COL19A1: variants seen among roughly 807,000 people sequenced by gnomAD.
The protein encoded by COL19A1 is collagen alpha-1(XIX) chain.
Under a neutral mutation model 190.2 loss-of-function variants are expected in COL19A1, and 159 were observed. The ratio of observed to expected loss-of-function variants is 0.84; its 90% CI spans 0.73 to 0.95. The LOEUF (loss-of-function observed/expected upper bound fraction) is 0.95, where lower values mean the gene tolerates loss of function less well. Ranked by LOEUF, COL19A1 falls within the 40% of genes least tolerant of loss-of-function variation. The pLI, the probability that COL19A1 is intolerant of heterozygous loss-of-function variation, is 0.00. For synonymous variants in COL19A1, 509 were observed against 458.9 expected, an observed-to-expected ratio of 1.11 and a Z score of -1.39; for missense variants, 1,418 against 1,431.9, an observed-to-expected ratio of 0.99 and a Z score of 0.16.
intron 15 of COL19A1, among the ~76,000 whole-genome samples, chr6:70,076,033 T>A (rs989335695): frequency 1.3e-5 from 2 of 152,202 alleles, no homozygotes; most frequent in Non-Finnish European, 2.9e-5. Flanking sequence ...TGTTCTCTGA[T>A]GTGGAAGAGG....
intron 27 of COL19A1, among the ~76,000 whole-genome samples, chr6:70,148,202 G>C (rs1283935407): frequency 1.3e-5 from 2 of 151,794 alleles, no homozygotes; most frequent in African/African-American, 4.8e-5. Context: ...CAGAGAACGC[G>C]GGGTGGGCTG....
At chr6:69,891,928 A>C (rs897030716) in intron 2 of COL19A1, among the ~76,000 whole-genome samples, 3 of 152,200 alleles carry the variant, frequency 2.0e-5, no homozygotes, top group Admixed American at 6.5e-5. Flanking sequence ...TTTGACCAGA[A>C]GCTTAGAATT....
At chr6:70,070,432 A>ATT (rs1781481488) in intron 15 of COL19A1, among the ~76,000 whole-genome samples, 4 of 152,092 alleles carry the variant, frequency 2.6e-5, no homozygotes, top group Non-Finnish European at 4.4e-5. Context: ...GAAACTAAAA[A>ATT]ATGTAATAGA....
At chr6:70,164,696 A>G (rs951338409) in intron 36 of COL19A1, among the ~76,000 whole-genome samples, 1 of 152,148 alleles carries the variant, frequency 6.6e-6, no homozygotes, top group South Asian at 2.1e-4. Context: ...CGGGGGAAAA[A>G]AAAGACTTTT....
At chr6:69,931,937 A>G (rs1198755836) in intron 6 of COL19A1, among the ~76,000 whole-genome samples, 1 of 152,080 alleles carries the variant, frequency 6.6e-6, no homozygotes, top group Non-Finnish European at 1.5e-5. Context: ...ATTAATTATT[A>G]TAAGATTAGA....
chr6:69,937,910 A>T, intron 8 of COL19A1, 128 bp from the exon 9 acceptor site: 1 of 768,370 alleles, frequency 1.3e-6, no homozygotes, highest in Non-Finnish European at 2.1e-6. Flanking sequence ...ACTATTCCTC[A>T]CTCTAAGCAT....
intron 11 of COL19A1, among the ~76,000 whole-genome samples, chr6:70,004,395 T>A (rs1317226020): frequency 6.6e-6 from 1 of 152,196 alleles, no homozygotes; most frequent in Admixed American, 6.5e-5. Flanking sequence ...ATTCTCTGTA[T>A]TTCCTGAATC....
intron 47 of COL19A1, among the ~76,000 whole-genome samples, chr6:70,188,542 G>T (rs1366988999): frequency 6.6e-6 from 1 of 152,122 alleles, no homozygotes; most frequent in Non-Finnish European, 1.5e-5. Context: ...TTATTAAGTG[G>T]GTCAGACCCA....
At chr6:70,131,207 G>A (rs1785500508) in intron 18 of COL19A1, 3 of 262,266 alleles carry the variant, frequency 1.1e-5, no homozygotes, top group East Asian at 1.2e-4. Context: ...AGGCAGAGAT[G>A]AGTAGTTTGA....
rs1785292833 is a variant in COL19A1, at chr6:70,127,854, A to G, written c.1342-2328A>G. ...ACAACATGTGGGAATTGTGGGAGCT[A>G]CAATTCTAGATGAGATTTGGGTGGG... On this transcript the variant is annotated intron_variant, in intron 17 of 50. Coordinates refer to ENST00000620364, the MANE Select transcript of COL19A1 (RefSeq NM_001858.6). Among the ~76,000 whole-genome samples, 3 of 152,168 alleles carry G rather than the reference A, an allele frequency of 2.0e-5. No individual in the cohort carries two copies. In the South Asian group the frequency reaches 6.2e-4, roughly 32 times the overall value.
intron 15 of COL19A1, among the ~76,000 whole-genome samples, chr6:70,088,369 G>T (rs554438532): frequency 2.0e-5 from 3 of 152,092 alleles, no homozygotes; most frequent in African/African-American, 7.2e-5. Flanking sequence ...ATGTACTAGT[G>T]GTCAGGTATC....
chr6:70,181,810 G>A (rs1483815053), intron 44 of COL19A1, among the ~76,000 whole-genome samples: 3 of 152,014 alleles, frequency 2.0e-5, no homozygotes, highest in Non-Finnish European at 4.4e-5. Flanking sequence ...GCCATGGGAA[G>A]GTCAGAGGAC....
rs73746871 is a variant in COL19A1 at position 70,138,355 on chromosome 6, C to A, written c.1446+608C>A. The stretch of plus-strand genomic sequence containing the variant: ...CTTTTTGTGGGGAAAAAGAGAAAAA[C>A]CCTACAGTATCATTTATATTCAAAT... On this transcript the variant is annotated intron_variant, in intron 19 of 50. Transcript: ENST00000620364. 2.3e-3 allele frequency among the ~76,000 whole-genome samples: 357 copies of A among 152,060 alleles called. 2 individuals are homozygous for A. Among genetic ancestry groups the A allele is most frequent in the African/African-American group, 8.1e-3 (336 of 41,488 alleles).
At chr6:69,988,489 G>A (rs948189216) in intron 11 of COL19A1, among the ~76,000 whole-genome samples, 2 of 152,160 alleles carry the variant, frequency 1.3e-5, no homozygotes, top group Non-Finnish European at 2.9e-5. Context: ...CGTTGCTACT[G>A]ATAAATAAAT....
At chr6:69,872,478 A>C (rs1767899695) in intron 1 of COL19A1, among the ~76,000 whole-genome samples, 1 of 152,174 alleles carries the variant, frequency 6.6e-6, no homozygotes, top group Non-Finnish European at 1.5e-5. Context: ...TGTGTTTTCT[A>C]TATACAAATA....
At chr6:70,128,976 G>T (rs758330580) in intron 17 of COL19A1, among the ~76,000 whole-genome samples, 1 of 152,156 alleles carries the variant, frequency 6.6e-6, no homozygotes, top group African/African-American at 2.4e-5. Context: ...TGAGAAAGAC[G>T]TTCCCAGATT....
intron 16 of COL19A1, among the ~76,000 whole-genome samples, chr6:70,114,246 G>A (rs919097574): frequency 3.3e-5 from 5 of 152,066 alleles, no homozygotes; most frequent in East Asian, 1.9e-4. Flanking sequence ...TTCACCACAC[G>A]ATGCCCTGCT....
At chr6:70,120,521 C>A (rs941646487) in intron 16 of COL19A1, among the ~76,000 whole-genome samples, 37 of 152,258 alleles carry the variant, frequency 2.4e-4, no homozygotes, top group Admixed American at 1.2e-3. Context: ...TTCTTTACTT[C>A]CTCTAACTGA....
intron 18 of COL19A1, among the ~76,000 whole-genome samples, chr6:70,136,748 A>G (rs1439713835): frequency 2.6e-5 from 4 of 152,152 alleles, no homozygotes; most frequent in African/African-American, 9.7e-5. Context: ...TACCTGGTAC[A>G]TGAAGGCTTG....
Sources: allele counts gnomAD v4.1 joint callset (sites outside exome capture counted in the v4.1 genomes callset), GRCh38; gene constraint gnomAD v4.1.1; transcripts MANE v1.5; gene names NCBI Gene and HGNC (gene_info 2026-07-23, HGNC 2026-07-21).